NELL1: variants seen among roughly 807,000 people sequenced by gnomAD.
NELL1 encodes protein kinase C-binding protein NELL1.
In NELL1, 76 loss-of-function variants were observed where a neutral mutation model predicts 107.4. That is an observed-to-expected ratio of 0.71 (90% CI 0.59 to 0.86). NELL1 has a LOEUF of 0.86. Among genes scored for constraint, NELL1 ranks in the 40% least tolerant of loss-of-function variants. The probability of loss-of-function intolerance (pLI) is 0.00; values close to 1 mark genes in which losing one functional copy is unlikely to be tolerated. For synonymous variants in NELL1, 353 were observed against 341.2 expected (o/e 1.03, Z -0.38); for missense variants, 1,024 against 1,005.5 (o/e 1.02, Z -0.25).
At chr11:21,318,793 T>G (rs1410840083) in intron 14 of NELL1, among the ~76,000 whole-genome samples, 1 of 152,002 alleles carries the variant, frequency 6.6e-6, no homozygotes, top group East Asian at 1.9e-4. Context: ...GTTCCTACTT[T>G]GCTTTATTTC....
rs189462796 is a variant in NELL1 at position 20,868,751 on chromosome 11, A to G, written c.507-16693A>G. 3.1e-3 allele frequency among the ~76,000 whole-genome samples: 469 copies of G among 152,300 alleles called. 4 individuals are homozygous for G. Among genetic ancestry groups the G allele is most frequent in the Admixed American group, 0.026 (394 of 15,300 alleles). ...GTCCATTATAAATCTGGGAAAATCA[A>G]TCTGTAAAATAAACTCTGAGATATA... On this transcript the variant is annotated intron_variant, in intron 4 of 19. Transcript: ENST00000357134.
intron 14 of NELL1, among the ~76,000 whole-genome samples, chr11:21,366,752 G>C (rs1851231420): frequency 6.6e-6 from 1 of 152,066 alleles, no homozygotes; most frequent in Non-Finnish European, 1.5e-5. Context: ...CTTCCTCAAG[G>C]AAACTAGGAA....
intron 16 of NELL1, among the ~76,000 whole-genome samples, chr11:21,546,450 G>T (rs1204286868): frequency 6.6e-6 from 1 of 151,932 alleles, no homozygotes; most frequent in Non-Finnish European, 1.5e-5. Flanking sequence ...ATCTCATTTT[G>T]AATTGTAGCT....
At chr11:20,747,631 G>C (rs1856033854) in intron 2 of NELL1, among the ~76,000 whole-genome samples, 1 of 152,114 alleles carries the variant, frequency 6.6e-6, no homozygotes, top group Admixed American at 6.6e-5. Context: ...ACTTCCTAAA[G>C]GCCCCACCTC....
At chr11:21,344,751 A>G (rs1466479360) in intron 14 of NELL1, among the ~76,000 whole-genome samples, 2 of 152,112 alleles carry the variant, frequency 1.3e-5, no homozygotes, top group Non-Finnish European at 2.9e-5. Context: ...TTCTATCTTT[A>G]CAATGGGGAT....
intron 12 of NELL1, among the ~76,000 whole-genome samples, chr11:21,007,881 T>G (rs1321736772): frequency 6.6e-6 from 1 of 152,166 alleles, no homozygotes; most frequent in Non-Finnish European, 1.5e-5. Context: ...GATGTCAATA[T>G]GAATAGAAAT....
At chr11:20,768,550 A>C (rs1408404973) in intron 2 of NELL1, among the ~76,000 whole-genome samples, 2 of 152,230 alleles carry the variant, frequency 1.3e-5, no homozygotes, top group Non-Finnish European at 2.9e-5. Context: ...TATTACTTCA[A>C]ATGGTAAAAG....
chr11:21,216,823 A>C (rs1342822714), intron 13 of NELL1, among the ~76,000 whole-genome samples: 2 of 152,076 alleles, frequency 1.3e-5, no homozygotes, highest in South Asian at 2.1e-4. Flanking sequence ...GATACCTTGG[A>C]CTTTGGGTTT....
chr11:21,438,995 G>A (rs1046994758), intron 15 of NELL1, among the ~76,000 whole-genome samples: 1 of 151,818 alleles, frequency 6.6e-6, no homozygotes, highest in Non-Finnish European at 1.5e-5. Context: ...CACAATGGGT[G>A]AAATTAAAAC....
chr11:20,981,475 G>A (rs11025849), intron 12 of NELL1, among the ~76,000 whole-genome samples: 22,353 of 152,088 alleles, frequency 0.15, 2,074 homozygotes, highest in East Asian at 0.26. Context: ...ATATAGGACA[G>A]TGGTAGGATA....
chr11:21,059,197 A>T (rs1853678328), intron 12 of NELL1, among the ~76,000 whole-genome samples: 1 of 149,794 alleles, frequency 6.7e-6, no homozygotes, highest in Admixed American at 6.7e-5. Flanking sequence ...CATTTTCTTA[A>T]CTCTCCATCT....
intron 15 of NELL1, among the ~76,000 whole-genome samples, chr11:21,387,656 G>C (rs1010817588): frequency 1.3e-5 from 2 of 151,754 alleles, no homozygotes; most frequent in African/African-American, 4.8e-5. Context: ...AAGCAAGGCT[G>C]AATACAACAA....
At chr11:20,724,803 G>A (rs900259308) in intron 2 of NELL1, among the ~76,000 whole-genome samples, 2 of 152,070 alleles carry the variant, frequency 1.3e-5, no homozygotes, top group Admixed American at 1.3e-4. Flanking sequence ...ACCCCACTCT[G>A]CCGGTACCAA....
chr11:21,522,515 T>G (rs1281804341), intron 15 of NELL1, among the ~76,000 whole-genome samples: 1 of 152,136 alleles, frequency 6.6e-6, no homozygotes, highest in South Asian at 2.1e-4. Context: ...AAATAATGTG[T>G]ACACATGAAC....
chr11:21,018,105 C>A (rs1490677330), intron 12 of NELL1, among the ~76,000 whole-genome samples: 1 of 152,054 alleles, frequency 6.6e-6, no homozygotes, highest in Non-Finnish European at 1.5e-5. Context: ...TGTATTTCAG[C>A]CTTATTTATC....
At chr11:20,841,985 C>T (rs545106436) in intron 3 of NELL1, among the ~76,000 whole-genome samples, 9 of 152,252 alleles carry the variant, frequency 5.9e-5, no homozygotes, top group African/African-American at 2.2e-4. Context: ...GCCATTGAGA[C>T]CCCTGGTCTA....
chr11:20,676,966 A>G (rs1854074430), intron 1 of NELL1, among the ~76,000 whole-genome samples: 1 of 152,220 alleles, frequency 6.6e-6, no homozygotes, highest in Admixed American at 6.5e-5. Flanking sequence ...ATTAATACAT[A>G]TAGTTGGAAA....
chr11:21,133,159 G>C (rs1855663744), intron 13 of NELL1, among the ~76,000 whole-genome samples: 1 of 152,116 alleles, frequency 6.6e-6, no homozygotes, highest in Non-Finnish European at 1.5e-5. Flanking sequence ...TCTTTCCTCA[G>C]GCAGGTCATC....
At chr11:21,206,887 A>G (rs1857401065) in intron 13 of NELL1, among the ~76,000 whole-genome samples, 1 of 152,192 alleles carries the variant, frequency 6.6e-6, no homozygotes, top group South Asian at 2.1e-4. Context: ...TTGTCTTCAG[A>G]ACTCCTCTAG....
Sources: gnomAD v4.1 joint callset for allele counts (sites outside exome capture counted in the v4.1 genomes callset) on GRCh38, gnomAD v4.1.1 for gene constraint, MANE v1.5 for transcripts, NCBI Gene and HGNC (gene_info 2026-07-23, HGNC 2026-07-21) for gene names.